The following ATP9A variants were observed in gnomAD, a reference collection of about 807,000 sequenced individuals.
ATP9A encodes the protein probable phospholipid-transporting ATPase IIA.
ATP9A carries 52 observed loss-of-function variants against 144.1 expected under a neutral mutation model. The ratio of observed to expected loss-of-function variants is 0.36; its 90% CI spans 0.29 to 0.45. The LOEUF (loss-of-function observed/expected upper bound fraction) is 0.45. Ranked by LOEUF, ATP9A falls within the 20% of genes least tolerant of loss-of-function variation. ATP9A has a pLI of 1.00. For missense variants in ATP9A, 947 were observed against 1,392.7 expected (o/e 0.68, Z 5.09); for synonymous variants, 582 against 557.4 (o/e 1.04, Z -0.62).
At chr20:51,617,934 T>C (rs2077209897) in intron 21 of ATP9A, among the ~76,000 whole-genome samples, 1 of 152,178 alleles carries the variant, frequency 6.6e-6, no homozygotes, top group Non-Finnish European at 1.5e-5. Context: ...AAGGTGATCC[T>C]TTTTAGGCTG....
intron 13 of ATP9A, among the ~76,000 whole-genome samples, chr20:51,663,961 T>A (rs1237166779): frequency 6.6e-6 from 1 of 151,588 alleles, no homozygotes; most frequent in African/African-American, 2.4e-5. Context: ...CACACGCTCA[T>A]AAAAAAAACA....
At chr20:51,620,152 G>A (rs1443357714) in intron 19 of ATP9A, among the ~76,000 whole-genome samples, 9 of 152,100 alleles carry the variant, frequency 5.9e-5, no homozygotes, top group Non-Finnish European at 1.2e-4. Context: ...AGGCTTTGAG[G>A]ACCACATGGT....
intron 1 of ATP9A, among the ~76,000 whole-genome samples, chr20:51,743,618 T>TC (rs2077794694): frequency 6.7e-6 from 1 of 149,216 alleles, no homozygotes; most frequent in African/African-American, 2.4e-5. Flanking sequence ...CAGGCTGGTC[T>TC]GGTCTTGAAC....
chr20:51,638,170 G>A (rs2077303345), intron 15 of ATP9A, among the ~76,000 whole-genome samples: 1 of 131,638 alleles, frequency 7.6e-6, no homozygotes, highest in Non-Finnish European at 1.6e-5. Flanking sequence ...TATTTGGGCT[G>A]GTTCCATATC....
chr20:51,701,981 C>T (rs1288286641), intron 4 of ATP9A, among the ~76,000 whole-genome samples: 1 of 151,660 alleles, frequency 6.6e-6, no homozygotes, highest in Non-Finnish European at 1.5e-5. Context: ...GGCCGCATGG[C>T]AAAACCCTGT....
chr20:51,696,153 T>C lies in ATP9A; in HGVS notation c.496-9A>G, dbSNP rs1485740979. The C allele has an allele frequency of 6.2e-7, 1 of 1,613,628 alleles. No individual in the cohort carries two copies. ...GCAGGGACCCGCTGGTTCTGTGTTA[T>C]GAAAAGAAAGACTGTTACTGTGAAT... On this transcript the variant is annotated splice_polypyrimidine_tract_variant and intron_variant, in intron 5 of 27. Coordinates refer to ENST00000338821, the MANE Select transcript of ATP9A (RefSeq NM_006045.3).
At chr20:51,689,714 G>A (rs868714160) in intron 8 of ATP9A, among the ~76,000 whole-genome samples, 6 of 151,600 alleles carry the variant, frequency 4.0e-5, no homozygotes, top group African/African-American at 7.3e-5. Context: ...GAGCCACCAC[G>A]CCAGGCCTCC....
intron 14 of ATP9A, among the ~76,000 whole-genome samples, chr20:51,640,526 C>T (rs930817395): frequency 8.5e-5 from 13 of 152,192 alleles, no homozygotes; most frequent in African/African-American, 3.1e-4. Context: ...AATGAAGTTG[C>T]CCAAGGTGAC....
chr20:51,669,457 T>G (rs939402481), intron 13 of ATP9A, among the ~76,000 whole-genome samples: 11 of 152,196 alleles, frequency 7.2e-5, no homozygotes, highest in African/African-American at 2.2e-4. Context: ...ATTGTTGAGT[T>G]GAATGTAGAT....
chr20:51,689,239 C>T, intron 8 of ATP9A, 100 bp from the exon 9 acceptor site: 1 of 1,226,630 alleles, frequency 8.2e-7, no homozygotes, highest in East Asian at 2.4e-5. Context: ...AGACAGGCTC[C>T]CCCCGATGAA....
intron 15 of ATP9A, among the ~76,000 whole-genome samples, chr20:51,632,148 C>T (rs763224682): frequency 6.6e-5 from 10 of 152,174 alleles, no homozygotes; most frequent in Admixed American, 1.3e-4. Flanking sequence ...CGACTCACTA[C>T]AGCCTCGACC....
Position 51,725,890 on chromosome 20 carries a change from A to C in ATP9A, c.256T>G (p.Leu86Val). Residue 86 changes from leucine (L) to valine (V), a missense_variant, in exon 3 of 28, where the codon TTA (leucine) becomes GTA (valine). Physicochemically the swap from Leu to Val is conservative, Grantham distance 32. Transcript: ENST00000338821. Reference sequence around the variant, plus strand: ...ACAAACTGAGAGCAGGCAAGAAGTAAGAAATAGAGGTTGAAAAAGTATTTG... The same window carrying C: ...ACAAACTGAGAGCAGGCAAGAAGTACGAAATAGAGGTTGAAAAAGTATTTG... ...QFKYFFNLYF[L>V]LLACSQFVPE... 6.2e-7 allele frequency: 1 copy of C among 1,613,916 alleles called. No homozygotes were observed. Among genetic ancestry groups the C allele is most frequent in the East Asian group, 2.2e-5 (1 of 44,890 alleles).
chr20:51,714,452 G>A (rs1370119202), intron 3 of ATP9A, among the ~76,000 whole-genome samples: 3 of 152,096 alleles, frequency 2.0e-5, no homozygotes, highest in African/African-American at 7.2e-5. Context: ...CACCATCTCG[G>A]CTCACTGCAA....
At chr20:51,726,073 GGAGGCC>G in intron 2 of ATP9A, 141 bp from the exon 3 acceptor site, 1 of 623,714 alleles carries the variant, frequency 1.6e-6, no homozygotes, top group East Asian at 2.8e-5. Flanking sequence ...CAGAACTTTG[GGAGGCC>G]GAGGCGAGCG....
chr20:51,663,077 A>C (rs2077417646), intron 13 of ATP9A, among the ~76,000 whole-genome samples: 2 of 152,172 alleles, frequency 1.3e-5, no homozygotes, highest in Non-Finnish European at 2.9e-5. Context: ...ATCTCAAAAA[A>C]AAACATTTTT....
intron 16 of ATP9A, among the ~76,000 whole-genome samples, chr20:51,628,216 T>G (rs1425389210): frequency 6.6e-6 from 1 of 152,182 alleles, no homozygotes; most frequent in Admixed American, 6.5e-5. Flanking sequence ...ACCCTCAAAC[T>G]GAGAATCTTA....
intron 1 of ATP9A, among the ~76,000 whole-genome samples, chr20:51,751,964 G>A (rs2077834089): frequency 3.3e-5 from 5 of 151,946 alleles, no homozygotes; most frequent in Admixed American, 3.3e-4. Flanking sequence ...GCCAGCCTTT[G>A]TGCTAAGCAC....
At chr20:51,673,837 G>A (rs1362191111) in intron 11 of ATP9A, among the ~76,000 whole-genome samples, 3 of 152,048 alleles carry the variant, frequency 2.0e-5, no homozygotes, top group African/African-American at 4.8e-5. Flanking sequence ...ATCACCTGAG[G>A]TCAGGAGTTC....
intron 1 of ATP9A, among the ~76,000 whole-genome samples, chr20:51,742,953 C>G (rs2077791453): frequency 6.6e-6 from 1 of 152,176 alleles, no homozygotes; most frequent in South Asian, 2.1e-4. Flanking sequence ...AGTTCCTGCC[C>G]ATGAATTCCT....
Sources: allele counts gnomAD v4.1 joint callset (sites outside exome capture counted in the v4.1 genomes callset), GRCh38; gene constraint gnomAD v4.1.1; transcripts MANE v1.5; gene names NCBI Gene and HGNC (gene_info 2026-07-23, HGNC 2026-07-21).